Variants in AOAH observed in about 807,000 individuals in gnomAD.
The protein encoded by AOAH is acyloxyacyl hydrolase (neutrophil).
AOAH carries 64 observed loss-of-function variants against 92.2 expected under a neutral mutation model. The observed-to-expected ratio is 0.69, with a 90% CI of 0.57 to 0.86. The LOEUF is 0.86. Ranked by LOEUF, AOAH falls within the 40% of genes least tolerant of loss-of-function variation. The probability of loss-of-function intolerance (pLI) is 0.00; values close to 1 mark genes in which losing one functional copy is unlikely to be tolerated. For synonymous variants in AOAH, 263 were observed against 254.5 expected (o/e 1.03, Z -0.32); for missense variants, 656 against 694.6 (o/e 0.94, Z 0.62).
intron 5 of AOAH, among the ~76,000 whole-genome samples, chr7:36,636,556 A>AACTT (rs1793539712): frequency 6.6e-6 from 1 of 152,222 alleles, no homozygotes; most frequent in African/African-American, 2.4e-5. Context: ...CTTATTCAAC[A>AACTT]ACTTAAGCAA....
chr7:36,566,984 A>AT (rs1562576004), intron 13 of AOAH, among the ~76,000 whole-genome samples: 1 of 151,738 alleles, frequency 6.6e-6, no homozygotes, highest in African/African-American at 2.4e-5. Context: ...AATTTTTTGT[A>AT]TTTTTTTAGT....
chr7:36,556,853 C>T (rs577813173), intron 13 of AOAH, among the ~76,000 whole-genome samples: 2 of 149,890 alleles, frequency 1.3e-5, no homozygotes, highest in East Asian at 3.9e-4. Flanking sequence ...CTTCCTCCAT[C>T]CTTTTATTTT....
At chr7:36,716,948 A>G (rs1157465478) in intron 1 of AOAH, among the ~76,000 whole-genome samples, 1 of 151,316 alleles carries the variant, frequency 6.6e-6, no homozygotes, top group African/African-American at 2.4e-5. Flanking sequence ...CGTTGTGCAC[A>G]TGTACCCTAA....
chr7:36,576,932 C>T (rs548767341), intron 12 of AOAH, among the ~76,000 whole-genome samples: 1 of 151,918 alleles, frequency 6.6e-6, no homozygotes, highest in Non-Finnish European at 1.5e-5. Flanking sequence ...TCATCCCTTT[C>T]AAATGCTTTT....
rs1460406087 is a variant in AOAH, at chr7:36,632,060, G to C, written c.497C>G (p.Ala166Gly). The C allele has an allele frequency of 2.5e-6, 4 of 1,612,562 alleles. No individual in the cohort carries two copies. The South Asian group carries it at 4.4e-5, about 18-fold the overall frequency. The change falls in exon 6 of 21, where the codon GCC becomes GGC. Residue 166 changes from alanine to glycine, a missense_variant. By Grantham distance (60) the Ala-to-Gly change is moderately conservative (BLOSUM62 0). Coordinates refer to ENST00000617537, the MANE Select transcript of AOAH (RefSeq NM_001637.4). ...GSDICSLPVL[A>G]KICQKIKLAM... ...CAATTTAATTTTCTGGCAGATCTTG[G>C]CCAAAACCGGGAGTGAACAAATGTC...
At chr7:36,589,940 CT>C (rs1789627574) in intron 12 of AOAH, among the ~76,000 whole-genome samples, 1 of 151,794 alleles carries the variant, frequency 6.6e-6, no homozygotes, top group Non-Finnish European at 1.5e-5. Flanking sequence ...ATTTTTTTTA[CT>C]TTTTTATTTT....
intron 4 of AOAH, among the ~76,000 whole-genome samples, chr7:36,654,947 G>A (rs537587421): frequency 6.6e-6 from 1 of 152,314 alleles, no homozygotes; most frequent in Admixed American, 6.5e-5. Context: ...AAATAAATAT[G>A]GACCTAACAG....
intron 11 of AOAH, among the ~76,000 whole-genome samples, chr7:36,609,623 C>G (rs961948417): frequency 6.6e-6 from 1 of 151,212 alleles, no homozygotes; most frequent in African/African-American, 2.4e-5. Flanking sequence ...CTACCTCCAG[C>G]TCTGTTCCCC....
At chr7:36,562,438 A>G (rs973537774) in intron 13 of AOAH, among the ~76,000 whole-genome samples, 6 of 152,354 alleles carry the variant, frequency 3.9e-5, no homozygotes, top group African/African-American at 1.4e-4. Context: ...CCCTGCGATC[A>G]TAGTTTGGAG....
intron 12 of AOAH, among the ~76,000 whole-genome samples, chr7:36,592,110 C>T (rs1789785553): frequency 6.6e-6 from 1 of 152,098 alleles, no homozygotes; most frequent in Non-Finnish European, 1.5e-5. Flanking sequence ...ATTGTTCATA[C>T]CTAATTAATT....
rs139077014 is a variant in AOAH, at chr7:36,559,353, C to T, written c.1022-9878G>A. 2.9e-3 allele frequency among the ~76,000 whole-genome samples: 442 copies of T among 152,348 alleles called. 14 individuals carry two copies. The East Asian group carries it at 0.05, about 17-fold the overall frequency. ...TTTCCACAGTGGCTGAACTAATTTA[C>T]ATTCCCACCAGTAGCGTATAACCAT... On this transcript the variant is annotated intron_variant, in intron 13 of 20. Transcript: ENST00000617537.
chr7:36,529,168 T>C (rs953708426), intron 19 of AOAH, among the ~76,000 whole-genome samples: 5 of 152,080 alleles, frequency 3.3e-5, no homozygotes, highest in Admixed American at 2.6e-4. Context: ...TTTAAAAATA[T>C]TCAGAGAATT....
chr7:36,528,839 C>T (rs909125082), intron 19 of AOAH, among the ~76,000 whole-genome samples: 9 of 152,166 alleles, frequency 5.9e-5, no homozygotes, highest in South Asian at 4.1e-4. Context: ...TGGACTTGAG[C>T]GATCCTCCCA....
chr7:36,652,833 G>T (rs968780600), intron 4 of AOAH, among the ~76,000 whole-genome samples: 3 of 152,186 alleles, frequency 2.0e-5, no homozygotes, highest in Non-Finnish European at 4.4e-5. Context: ...CTCTGTCACA[G>T]ACCAGAGGAC....
chr7:36,670,827 C>T (rs1795877075), intron 3 of AOAH, among the ~76,000 whole-genome samples: 1 of 148,538 alleles, frequency 6.7e-6, no homozygotes, highest in Non-Finnish European at 1.5e-5. Flanking sequence ...TTGTACAGTT[C>T]ACATGCTGTA....
At chr7:36,565,595 C>G (rs1341764533) in intron 13 of AOAH, among the ~76,000 whole-genome samples, 1 of 151,294 alleles carries the variant, frequency 6.6e-6, no homozygotes, top group Non-Finnish European at 1.5e-5. Flanking sequence ...TGCAGTGGCG[C>G]AAACACGGCT....
chr7:36,594,923 T>A (rs141499013), intron 11 of AOAH, among the ~76,000 whole-genome samples: 1 of 152,188 alleles, frequency 6.6e-6, no homozygotes, highest in African/African-American at 2.4e-5. Context: ...GAGAATCTAA[T>A]TGTGGTTCCT....
chr7:36,711,295 T>C (rs1461712566), intron 1 of AOAH, among the ~76,000 whole-genome samples: 1 of 152,218 alleles, frequency 6.6e-6, no homozygotes, highest in African/African-American at 2.4e-5. Context: ...TTACAACTTC[T>C]TCTTTTTTCC....
chr7:36,587,092 T>C (rs1056393112), intron 12 of AOAH, among the ~76,000 whole-genome samples: 26 of 151,764 alleles, frequency 1.7e-4, no homozygotes, highest in African/African-American at 6.0e-4. Context: ...GGCAATATGG[T>C]GAAACCCTGT....
Sources: allele counts gnomAD v4.1 joint callset (sites outside exome capture counted in the v4.1 genomes callset), GRCh38; gene constraint gnomAD v4.1.1; transcripts MANE v1.5; gene names NCBI Gene and HGNC (gene_info 2026-07-23, HGNC 2026-07-21).